The following ANAPC1 variants were observed in gnomAD, a reference collection of about 807,000 sequenced individuals.
ANAPC1 encodes anaphase promoting complex subunit 1, also known as anaphase-promoting complex subunit 1.
Under a neutral mutation model 208.0 loss-of-function variants are expected in ANAPC1, and 36 were observed. That is an observed-to-expected ratio of 0.17 (90% CI 0.13 to 0.23). ANAPC1 has a LOEUF of 0.23. Ranked by LOEUF, ANAPC1 falls within the 10% of genes least tolerant of loss-of-function variation. The pLI is 1.00. For synonymous variants in ANAPC1, 378 were observed against 695.2 expected, an observed-to-expected ratio of 0.54 and a Z score of 7.18; for missense variants, 942 against 2,011.6, an observed-to-expected ratio of 0.47 and a Z score of 10.17.
At chr2:111,794,624 T>C (rs533203424) in intron 35 of ANAPC1, among the ~76,000 whole-genome samples, 194 bp downstream of exon 35, 19 of 152,346 alleles carry the variant, frequency 1.2e-4, no homozygotes, top group Non-Finnish European at 2.2e-4. Flanking sequence ...ATCTCCAATA[T>C]TGCTTTTTGA....
chr2:111,830,904 G>C (rs1176251150), intron 21 of ANAPC1, among the ~76,000 whole-genome samples: 7 of 152,212 alleles, frequency 4.6e-5, no homozygotes, highest in Admixed American at 4.6e-4. Flanking sequence ...CTGTCCTAGA[G>C]AAAGCAAAAC....
intron 17 of ANAPC1, among the ~76,000 whole-genome samples, chr2:111,839,688 G>A (rs1190973825): frequency 6.6e-6 from 1 of 152,158 alleles, no homozygotes; most frequent in African/African-American, 2.4e-5. Context: ...TAGTAACAGT[G>A]AAATCAAAGC....
intron 21 of ANAPC1, among the ~76,000 whole-genome samples, chr2:111,827,546 G>A (rs1320201045): frequency 1.3e-5 from 2 of 152,140 alleles, no homozygotes; most frequent in African/African-American, 2.4e-5. Flanking sequence ...CTTGCGGTCA[G>A]GAGTTCAAGA....
chr2:111,876,769 C>T (rs549599233), intron 3 of ANAPC1, among the ~76,000 whole-genome samples: 5 of 152,154 alleles, frequency 3.3e-5, no homozygotes, highest in South Asian at 2.1e-4. Context: ...TAACGGTAGG[C>T]GGGAGGAGTG....
At chr2:111,873,158 G>A (rs1682847371) in intron 5 of ANAPC1, 150 bp downstream of exon 5, 1 of 768,424 alleles carries the variant, frequency 1.3e-6, no homozygotes, top group Non-Finnish European at 2.0e-6. Flanking sequence ...AAAATGGTAA[G>A]CCACTAAAGC....
intron 17 of ANAPC1, among the ~76,000 whole-genome samples, chr2:111,839,716 C>A (rs1317309927): frequency 1.3e-5 from 2 of 152,156 alleles, no homozygotes; most frequent in African/African-American, 2.4e-5. Flanking sequence ...ATAACAGTAA[C>A]TATCTAACCT....
rs1347398800 is a variant in ANAPC1 at position 111,864,910 on chromosome 2, C to T, written c.727G>A (p.Ala243Thr). 6.2e-7 allele frequency: 1 copy of T among 1,611,528 alleles called. No homozygotes were observed. Among genetic ancestry groups the T allele is most frequent in the Non-Finnish European group, 8.5e-7 (1 of 1,179,736 alleles). The change falls in exon 8 of 48, where the codon GCA becomes ACA. Residue 243 changes from alanine (A) to threonine (T), a missense_variant. Ala to Thr is a moderately conservative substitution (Grantham distance 58). Coordinates refer to ENST00000341068, the MANE Select transcript of ANAPC1 (RefSeq NM_022662.4). Reference protein sequence around the residue: ...SSRVQYVVDHAMKIVFLNTDP... With the variant: ...SSRVQYVVDHTMKIVFLNTDP... ...GTATTGAGGAAAACAATTTTCATTG[C>T]ATGATCTACAACATATTGCACCCGT...
intron 46 of ANAPC1, among the ~76,000 whole-genome samples, chr2:111,773,612 G>A (rs953711469): frequency 2.0e-5 from 3 of 151,946 alleles, no homozygotes; most frequent in Non-Finnish European, 2.9e-5. Flanking sequence ...GCTGCCTGAG[G>A]GAGAGTGGTC....
Position 111,787,271 on chromosome 2 carries a change from T to C in ANAPC1, c.4799+963A>G, listed in dbSNP as rs531863940. ...TCTCCACTGTACCCTAGCCAATAAT[T>C]GGCTTTAACAACTCAAAAAATCTTT... On this transcript the variant is annotated intron_variant, in intron 39 of 47. Coordinates refer to ENST00000341068, the MANE Select transcript of ANAPC1 (RefSeq NM_022662.4). Among the ~76,000 whole-genome samples, 503 of 147,998 alleles carry C rather than the reference T, an allele frequency of 3.4e-3. 2 individuals carry two copies. The highest frequency in any genetic ancestry group is 0.012 in the African/African-American group (459 of 39,162).
intron 14 of ANAPC1, among the ~76,000 whole-genome samples, chr2:111,849,806 T>C (rs1247189117): frequency 1.3e-5 from 2 of 151,654 alleles, no homozygotes; most frequent in Non-Finnish European, 2.9e-5. Context: ...CCGGTCTCCT[T>C]ATCTTTAATC....
intron 34 of ANAPC1, among the ~76,000 whole-genome samples, chr2:111,798,824 G>C (rs1678290772): frequency 6.6e-6 from 1 of 152,268 alleles, no homozygotes; most frequent in African/African-American, 2.4e-5. Context: ...CACGAGGTCA[G>C]GAGATCGAGA....
intron 17 of ANAPC1, among the ~76,000 whole-genome samples, chr2:111,841,019 G>A (rs1357946467): frequency 6.6e-6 from 1 of 152,220 alleles, no homozygotes; most frequent in African/African-American, 2.4e-5. Context: ...TTCCAGCCTA[G>A]ACGACAGAGC....
chr2:111,863,888 T>C lies in ANAPC1; in HGVS notation c.839A>G (p.Asn280Ser). ...CTGTTCAGAGAACTTTAAAACAACA[T>C]TCTCTTCCTTAAGTCAAAATAAAGA... ...TLRRVKSEEE[N>S]VVLKFSEQGG... is the part of the protein sequence containing the mutation. The change falls in exon 9 of 48, where the codon AAT becomes AGT. Residue 280 changes from asparagine to serine, a missense_variant. Asn to Ser is a conservative substitution (Grantham distance 46, BLOSUM62 1). Coordinates refer to ENST00000341068, the MANE Select transcript of ANAPC1 (RefSeq NM_022662.4). 2 of 1,599,294 alleles carry C rather than the reference T, an allele frequency of 1.3e-6. No individual in the cohort carries two copies. The highest frequency in any genetic ancestry group is 8.5e-7 in the Non-Finnish European group (1 of 1,175,352).
intron 16 of ANAPC1, 135 bp downstream of exon 16, chr2:111,847,003 C>T: frequency 1.5e-6 from 1 of 682,406 alleles, no homozygotes; most frequent in South Asian, 1.9e-5. Context: ...CACTCCCTAG[C>T]TCTTTAAAGC....
chr2:111,816,846 T>C (rs1321934573), intron 27 of ANAPC1, among the ~76,000 whole-genome samples: 2 of 123,820 alleles, frequency 1.6e-5, no homozygotes, highest in South Asian at 2.7e-4. Flanking sequence ...CTTTACTATA[T>C]GCTTTTTGTA....
Position 111,825,022 on chromosome 2 carries a change from T to C in ANAPC1, c.2756A>G (p.His919Arg). Reference sequence around the variant, plus strand: ...AGCTAGACTAGAAACAGATGTAGAATGCCTGAAACTAAACCTATAAGAGAA... The same window carrying C: ...AGCTAGACTAGAAACAGATGTAGAACGCCTGAAACTAAACCTATAAGAGAA... ...EQEENRFSFR[H>R]STSVSSLAER... Residue 919 changes from histidine to arginine, a missense_variant, in exon 24 of 48, where the codon CAT becomes CGT. By Grantham distance (29) the His-to-Arg change is conservative. Transcript: ENST00000341068. 1.2e-6 allele frequency: 2 copies of C among 1,613,940 alleles called. No individual in the cohort carries two copies. The highest frequency in any genetic ancestry group is 1.7e-6 in the Non-Finnish European group (2 of 1,179,868).
chr2:111,779,769 G>A (rs1369425841), intron 44 of ANAPC1: 1 of 167,558 alleles, frequency 6.0e-6, no homozygotes, highest in Admixed American at 5.8e-5. Flanking sequence ...CTTCACTCCG[G>A]GAGGTCAAGG....
At chr2:111,869,924 G>C (rs1682650545) in intron 6 of ANAPC1, among the ~76,000 whole-genome samples, 1 of 152,110 alleles carries the variant, frequency 6.6e-6, no homozygotes. Flanking sequence ...TATAGCCTCT[G>C]CATACTCCTT....
intron 6 of ANAPC1, among the ~76,000 whole-genome samples, chr2:111,870,857 A>C (rs1478793209): frequency 2.0e-5 from 3 of 152,090 alleles, no homozygotes. Context: ...TCTTGAACTG[A>C]CTTTTGTATA....
Sources: gnomAD v4.1 joint callset for allele counts (sites outside exome capture counted in the v4.1 genomes callset) on GRCh38, gnomAD v4.1.1 for gene constraint, MANE v1.5 for transcripts, NCBI Gene and HGNC (gene_info 2026-07-23, HGNC 2026-07-21) for gene names.